USP7: variants seen among roughly 807,000 people sequenced by gnomAD.
USP7 encodes the protein ubiquitin specific peptidase 7.
In USP7, 9 loss-of-function variants were observed where a neutral mutation model predicts 162.9. The ratio of observed to expected loss-of-function variants is 0.06; its 90% CI spans 0.03 to 0.10. USP7 has a LOEUF of 0.10. Ranked by LOEUF, USP7 falls within the 10% of genes least tolerant of loss-of-function variation. The pLI is 1.00. For synonymous variants in USP7, 562 were observed against 475.9 expected, an observed-to-expected ratio of 1.18 and a Z score of -2.35; for missense variants, 715 against 1,373.7, an observed-to-expected ratio of 0.52 and a Z score of 7.58.
rs1209001134 is a variant in USP7 at position 8,904,322 on chromosome 16, T to A, written c.1704+113A>T. The stretch of plus-strand genomic sequence containing the variant: ...CACTTGCGTACAGAGATGGATGCCC[T>A]GCTGCATGGTGACCTGGGAGTCCCA... On this transcript the variant is annotated intron_variant, in intron 15 of 30. Transcript: ENST00000344836. 2.0e-6 allele frequency: 3 copies of A among 1,528,950 alleles called. No individual in the cohort carries two copies. In the African/African-American group the frequency reaches 4.1e-5, roughly 21 times the overall value. The allele number at this position is 1,528,950 out of a possible 1,614,324, so 94.7% of individuals were successfully genotyped here. A position where few individuals can be genotyped will look rare whatever the true frequency, so the allele number is the denominator to read the frequency against.
chr16:8,948,832 C>T (rs771240253), intron 1 of USP7, among the ~76,000 whole-genome samples: 5 of 152,146 alleles, frequency 3.3e-5, no homozygotes, highest in African/African-American at 7.2e-5. Context: ...GGCGTGGTGG[C>T]GTGTGCCTGC....
intron 1 of USP7, among the ~76,000 whole-genome samples, chr16:8,944,490 C>T (rs914097877): frequency 6.6e-6 from 1 of 152,126 alleles, no homozygotes; most frequent in African/African-American, 2.4e-5. Context: ...GGGATGAGGT[C>T]AGAGGTAGAA....
chr16:8,953,255 C>T (rs369349080), intron 1 of USP7, among the ~76,000 whole-genome samples: 6 of 152,226 alleles, frequency 3.9e-5, no homozygotes, highest in African/African-American at 1.4e-4. Context: ...CCGAAGCCCT[C>T]CCCTGCACAC....
chr16:8,900,745 A>C, intron 20 of USP7, 115 bp from the exon 21 acceptor site: 1 of 787,240 alleles, frequency 1.3e-6, no homozygotes, highest in Non-Finnish European at 2.0e-6. Flanking sequence ...TCCACCTTTT[A>C]AGTTAAAATG....
rs148849549 is a variant in USP7, at chr16:8,932,395, A to C, written c.80-1998T>G. 7.2e-3 allele frequency among the ~76,000 whole-genome samples: 1,094 copies of C among 152,258 alleles called. 14 individuals carry two copies. The highest frequency in any genetic ancestry group is 0.025 in the African/African-American group (1,051 of 41,538). On this transcript the variant is annotated intron_variant, in intron 1 of 30. Coordinates refer to ENST00000344836, the MANE Select transcript of USP7 (RefSeq NM_003470.3). ...AGCCAGGGAAACATAGTGAGACCTC[A>C]TCTCAATTTATTATTATTTTTAAAG...
chr16:8,922,896 C>A (rs1185311978), intron 3 of USP7, among the ~76,000 whole-genome samples: 1 of 152,180 alleles, frequency 6.6e-6, no homozygotes, highest in Admixed American at 6.5e-5. Flanking sequence ...ATGTCTGGCT[C>A]TGACAGCTGC....
At chr16:8,931,427 T>C (rs558087495) in intron 1 of USP7, among the ~76,000 whole-genome samples, 1 of 152,326 alleles carries the variant, frequency 6.6e-6, no homozygotes, top group Admixed American at 6.5e-5. Context: ...CCTCAAGTGA[T>C]CCACCTGCCT....
chr16:8,925,271 A>G (rs1245068225), intron 2 of USP7, among the ~76,000 whole-genome samples: 1 of 152,208 alleles, frequency 6.6e-6, no homozygotes, highest in Non-Finnish European at 1.5e-5. Flanking sequence ...CCACTCCTGG[A>G]AGTTACCATA....
chr16:8,900,092 C>T (rs535095791), intron 21 of USP7: 3 of 407,212 alleles, frequency 7.4e-6, no homozygotes, highest in Non-Finnish European at 8.9e-6. Context: ...TGGTGGAGCC[C>T]AGTCTCTGAC....
Position 8,938,063 on chromosome 16 carries a change from A to G in USP7, c.80-7666T>C, listed in dbSNP as rs573344554. On this transcript the variant is annotated intron_variant, in intron 1 of 30. Transcript: ENST00000344836. ...TAAGGCAGGGCAGAATATCCTCCCT[A>G]TGTCACCAGACCAGGGTCACAGCTG... is the stretch of plus-strand genomic sequence containing the variant. 2.6e-5 allele frequency among the ~76,000 whole-genome samples: 4 copies of G among 152,262 alleles called. No homozygotes were observed. The East Asian group carries it at 7.7e-4, about 29-fold the overall frequency.
chr16:8,933,233 C>A (rs1032043834), intron 1 of USP7, among the ~76,000 whole-genome samples: 1 of 152,114 alleles, frequency 6.6e-6, no homozygotes, highest in Non-Finnish European at 1.5e-5. Context: ...CCACCGCACC[C>A]AGCTCCCAAT....
At chr16:8,958,781 C>G (rs76384592) in intron 1 of USP7, among the ~76,000 whole-genome samples, 3,343 of 152,286 alleles carry the variant, frequency 0.022, 53 homozygotes, top group Non-Finnish European at 0.033. Flanking sequence ...GCGCATGGCA[C>G]CAAATCCACT....
intron 18 of USP7, 86 bp from the exon 19 acceptor site, chr16:8,901,320 GAAAAA>G (rs60094465): frequency 3.0e-6 from 2 of 663,358 alleles, no homozygotes; most frequent in Non-Finnish European, 5.0e-6. Context: ...ACAAAAAAAC[GAAAAA>G]AAAAAAACAG....
At chr16:8,952,185 G>A (rs1476059857) in intron 1 of USP7, among the ~76,000 whole-genome samples, 1 of 152,174 alleles carries the variant, frequency 6.6e-6, no homozygotes, top group Non-Finnish European at 1.5e-5. Flanking sequence ...AGGAGTTTGA[G>A]GCTATAGTTA....
chr16:8,933,068 A>C (rs971490265), intron 1 of USP7, among the ~76,000 whole-genome samples: 1 of 152,014 alleles, frequency 6.6e-6, no homozygotes, highest in African/African-American at 2.4e-5. Context: ...CATTTCCCAA[A>C]TGGCTGGGAT....
intron 10 of USP7, among the ~76,000 whole-genome samples, chr16:8,914,786 G>T (rs2062003313): frequency 6.6e-6 from 1 of 152,166 alleles, no homozygotes; most frequent in East Asian, 1.9e-4. Flanking sequence ...GGGTGTGGTG[G>T]CACACGCCTG....
At chr16:8,921,851 C>T (rs562211640) in intron 3 of USP7, among the ~76,000 whole-genome samples, 4 of 152,312 alleles carry the variant, frequency 2.6e-5, no homozygotes, top group African/African-American at 9.6e-5. Context: ...GATCCAGGTT[C>T]AAAAACCATA....
rs2141169434 is a variant in USP7, at chr16:8,899,930, G to T, written c.2310-173C>A. 5.3e-6 allele frequency: 4 copies of T among 749,976 alleles called. No individual in the cohort carries two copies. The South Asian group carries it at 6.5e-5, about 12-fold the overall frequency. 46.5% of individuals were successfully genotyped at this position (749,976 alleles called of 1,614,324 possible). On this transcript the variant is annotated intron_variant, in intron 21 of 30. Coordinates refer to ENST00000344836, the MANE Select transcript of USP7 (RefSeq NM_003470.3). ...TGCCTGAGCTCCCTCTGTAAGCGAG[G>T]CAAGTATGCATGGGGATGCACTGAG...
chr16:8,895,300 C>T lies in USP7; in HGVS notation c.2920-150G>A, dbSNP rs1027757157. 1.7e-5 allele frequency: 22 copies of T among 1,260,962 alleles called. No individual in the cohort carries two copies. In the African/African-American group the frequency reaches 2.4e-4, roughly 14 times the overall value. 78.1% of individuals were successfully genotyped at this position (1,260,962 alleles called of 1,614,324 possible). A position where few individuals can be genotyped will look rare whatever the true frequency, so the allele number is the denominator to read the frequency against. ...ACCTGGATCCAGCCAGAGTGATGGG[C>T]ACTCATGGGAGTCTCAGCCAGAAGA... On this transcript the variant is annotated intron_variant, in intron 27 of 30. Coordinates refer to ENST00000344836, the MANE Select transcript of USP7 (RefSeq NM_003470.3).
Sources: allele counts gnomAD v4.1 joint callset (sites outside exome capture counted in the v4.1 genomes callset), GRCh38; gene constraint gnomAD v4.1.1; transcripts MANE v1.5; gene names NCBI Gene and HGNC (gene_info 2026-07-23, HGNC 2026-07-21).